SPG11: variants seen among roughly 807,000 people sequenced by gnomAD.
SPG11 encodes spatacsin.
In SPG11, 222 loss-of-function variants were observed where a neutral mutation model predicts 274.0. The observed-to-expected ratio is 0.81, with a 90% CI of 0.73 to 0.91. The LOEUF is 0.91. SPG11 is among the 40% of genes least tolerant of loss of function. SPG11 has a pLI of 0.00. For missense variants in SPG11, 3,114 were observed against 2,872.7 expected (o/e 1.08, Z -1.92); for synonymous variants, 1,144 against 1,039.7 (o/e 1.10, Z -1.93).
rs768583896 is a variant in SPG11 at position 44,569,487 on chromosome 15, T to C, written c.6496A>G (p.Ile2166Val). ...TATGTCATCTCGTTGTACCTTCCAA[T>C]GCCAGTGAGGAGCCGTACCTGTGAA... ...YGLVVRLLTG[I>V]GRYNEMTYIF... Residue 2166 changes from isoleucine to valine, a missense_variant, in exon 35 of 40, where the codon ATT becomes GTT. Physicochemically the swap from Ile to Val is conservative, Grantham distance 29 (BLOSUM62 3). Transcript: ENST00000261866. 2 of 1,596,044 alleles carry C rather than the reference T, an allele frequency of 1.3e-6. No homozygotes were observed. Among genetic ancestry groups the C allele is most frequent in the South Asian group, 1.1e-5 (1 of 88,306 alleles).
chr15:44,613,310 A>G (rs1233555469), intron 17 of SPG11, 120 bp downstream of exon 17: 3 of 744,204 alleles, frequency 4.0e-6, no homozygotes, highest in Non-Finnish European at 7.1e-6. Context: ...CCTAGATTAC[A>G]TTCAGATAGC....
At chr15:44,621,321 A>G (rs79315792) in intron 14 of SPG11, 2,237 of 156,284 alleles carry the variant, frequency 0.014, 56 homozygotes, top group East Asian at 0.097. Flanking sequence ...AAGGATGAAA[A>G]GAAAAAAATA....
At position 44,608,430 on chromosome 15, in the gene SPG11, C is replaced by T. The variant is rs932516786; in HGVS notation, c.3453+14G>A. On this transcript the variant is annotated intron_variant, in intron 19 of 39. Transcript: ENST00000261866. ...CTCTGATAGACCTAAATATTGGCCA[C>T]CTAAATACTGTACCTGAATAAGGTG... The T allele has an allele frequency of 1.9e-6, 3 of 1,613,630 alleles. No individual in the cohort carries two copies. In the African/African-American group the frequency reaches 4.0e-5, roughly 22 times the overall value.
At chr15:44,658,017 CCT>C (rs1218402467) in intron 3 of SPG11, among the ~76,000 whole-genome samples, 1 of 152,076 alleles carries the variant, frequency 6.6e-6, no homozygotes, top group Non-Finnish European at 1.5e-5. Context: ...AGAGTGAGAC[CCT>C]GTCTCAGGAG....
At chr15:44,632,304 G>A (rs1287061563) in intron 8 of SPG11, among the ~76,000 whole-genome samples, 6 of 152,030 alleles carry the variant, frequency 3.9e-5, no homozygotes, top group African/African-American at 1.4e-4. Flanking sequence ...CTGGTCTGAT[G>A]GGGCCTAGTA....
At chr15:44,572,961 A>G in intron 32 of SPG11, 141 bp from the exon 33 acceptor site, 3 of 643,904 alleles carry the variant, frequency 4.7e-6, no homozygotes, top group Non-Finnish European at 8.3e-6. Context: ...CCTATTGGTC[A>G]TTTTATAGGA....
At chr15:44,663,360 C>T (rs1392225351) in intron 1 of SPG11, 31 bp downstream of exon 1, 1 of 1,597,972 alleles carries the variant, frequency 6.3e-7, no homozygotes, top group Admixed American at 1.7e-5. Context: ...TCTGGACTCC[C>T]CCAACGGCCC....
intron 8 of SPG11, among the ~76,000 whole-genome samples, chr15:44,630,243 GT>G: frequency 6.6e-6 from 1 of 152,154 alleles, no homozygotes; most frequent in African/African-American, 2.4e-5. Context: ...GCTGCCCCCC[GT>G]GGATTACATC....
At chr15:44,583,617 G>T (rs1443020161) in intron 30 of SPG11, among the ~76,000 whole-genome samples, 197 bp downstream of exon 30, 2 of 152,158 alleles carry the variant, frequency 1.3e-5, no homozygotes, top group Non-Finnish European at 2.9e-5. Flanking sequence ...CTTTAACTTT[G>T]AAACATAGCT....
rs1422562898 is a variant in SPG11, at chr15:44,621,888, C to G, written c.2491G>C (p.Asp831His). The change falls in exon 14 of 40, where the codon GAC (aspartate) becomes CAC (histidine). Residue 831 changes from aspartate to histidine, a missense_variant. Coordinates refer to ENST00000261866, the MANE Select transcript of SPG11 (RefSeq NM_025137.4). ...TTACAATCATATTTCAGGAATGAGT[C>G]CAAAACAGACTTGTGCTTGAAAAAA... ...QDFFKHKSVL[D>H]SFLKYDCKDE... 6.2e-7 allele frequency: 1 copy of G among 1,613,702 alleles called. No homozygotes were observed. The highest frequency in any genetic ancestry group is 8.5e-7 in the Non-Finnish European group (1 of 1,179,828).
At chr15:44,592,221 T>C in intron 27 of SPG11, 110 bp downstream of exon 27, 1 of 725,502 alleles carries the variant, frequency 1.4e-6, no homozygotes, top group South Asian at 1.5e-5. Flanking sequence ...ATCGTAACAC[T>C]GTGCCTGAGT....
rs1421069581 is a variant in SPG11 at position 44,585,712 on chromosome 15, G to T, written c.5045C>A (p.Thr1682Lys). The change falls in exon 29 of 40, where the codon ACA (threonine) becomes AAA (lysine). Residue 1682 changes from threonine (T) to lysine (K), a missense_variant. By Grantham distance (78) the Thr-to-Lys change is moderately conservative. Transcript: ENST00000261866. ...CCTGGCCAAAGCGAATTGTCCATCT[G>T]TCTGCAGTCTTTCCAAAATAGATCT... ...ECRSILERLQTDGQFALARRV... is the reference protein window; with the variant it reads ...ECRSILERLQKDGQFALARRV... The T allele has an allele frequency of 1.2e-6, 2 of 1,613,104 alleles. No homozygotes were observed. The highest frequency in any genetic ancestry group is 3.3e-5 in the Admixed American group (2 of 59,890).
chr15:44,662,814 G>T (rs536578851), intron 1 of SPG11, among the ~76,000 whole-genome samples: 3 of 152,110 alleles, frequency 2.0e-5, no homozygotes, highest in Admixed American at 6.5e-5. Flanking sequence ...TGCGCGCCTC[G>T]CAAGAAAGAA....
At chr15:44,602,972 T>C (rs1268483454) in intron 20 of SPG11, among the ~76,000 whole-genome samples, 1 of 152,156 alleles carries the variant, frequency 6.6e-6, no homozygotes, top group Non-Finnish European at 1.5e-5. Flanking sequence ...AAGGTCATTA[T>C]GCAATAAAAT....
intron 8 of SPG11, among the ~76,000 whole-genome samples, chr15:44,630,233 G>A (rs551815224): frequency 1.9e-4 from 29 of 152,258 alleles, no homozygotes; most frequent in South Asian, 8.3e-4. Context: ...CACTCCTCCC[G>A]CTGCCCCCCG....
At chr15:44,621,222 G>A (rs9972459) in intron 14 of SPG11, 1,908 of 153,732 alleles carry the variant, frequency 0.012, 50 homozygotes, top group African/African-American at 0.044. Flanking sequence ...TGAAACTTAC[G>A]TATTAGCTGT....
At position 44,592,387 on chromosome 15, in the gene SPG11, T is replaced by C. The variant is rs75430389; in HGVS notation, c.4687A>G (p.Arg1563Gly). The change falls in exon 27 of 40, where the codon AGG becomes GGG. Residue 1563 changes from arginine (R) to glycine (G), a missense_variant. By Grantham distance (125) the Arg-to-Gly change is moderately radical (BLOSUM62 -2). Coordinates refer to ENST00000261866, the MANE Select transcript of SPG11 (RefSeq NM_025137.4). ...TTAGCTTCAGCTTCTTTATAATTCC[T>C]GAAGAACATACACAGTTCATACATC... ...MEMYELCMFF[R>G]NYKEAEAKLL... The C allele has an allele frequency of 9.5e-4, 1,538 of 1,612,610 alleles. 18 individuals carry two copies. The African/African-American group carries it at 0.018, about 19-fold the overall frequency.
intron 33 of SPG11, among the ~76,000 whole-genome samples, chr15:44,571,451 G>A (rs1394838985): frequency 6.6e-6 from 1 of 151,806 alleles, no homozygotes; most frequent in Non-Finnish European, 1.5e-5. Flanking sequence ...TGTTGAACTG[G>A]ACCGAGAAGA....
chr15:44,584,256 C>T lies in SPG11; in HGVS notation c.5424G>A (p.Gln1808=). The T allele has an allele frequency of 6.2e-7, 1 of 1,614,124 alleles. No homozygotes were observed. The change falls in exon 30 of 40, where the codon CAG becomes CAA. Residue 1808 remains glutamine, a synonymous_variant. Transcript: ENST00000261866. ...EKQIWLCRIT[Q]HTLGRNQEET... ...CCTCCTGATTTCTTCCAAGAGTGTG[C>T]TGGGTGATGCGGCACAGCCAGATCT...
Sources: allele counts gnomAD v4.1 joint callset (sites outside exome capture counted in the v4.1 genomes callset), GRCh38; gene constraint gnomAD v4.1.1; transcripts MANE v1.5; gene names NCBI Gene and HGNC (gene_info 2026-07-23, HGNC 2026-07-21).